The following LIMCH1 variants were observed in gnomAD, a reference collection of about 807,000 sequenced individuals.
LIMCH1 encodes the protein LIM and calponin homology domains-containing protein 1.
LIMCH1 carries 113 observed loss-of-function variants against 176.5 expected under a neutral mutation model. The observed-to-expected ratio is 0.64, with a 90% CI of 0.55 to 0.75. The LOEUF is 0.75. Ranked by LOEUF, LIMCH1 falls within the 30% of genes least tolerant of loss-of-function variation. LIMCH1 has a pLI of 0.00. For missense variants in LIMCH1, 1,674 were observed against 1,814.9 expected (o/e 0.92, Z 1.41); for synonymous variants, 619 against 645.9 (o/e 0.96, Z 0.63).
chr4:41,534,466 A>G (rs961897366), upstream of LIMCH1, among the ~76,000 whole-genome samples: 1 of 152,236 alleles, frequency 6.6e-6, no homozygotes, highest in Non-Finnish European at 1.5e-5. Flanking sequence ...TACTGATGCC[A>G]TTAATAGGAA....
chr4:41,612,984 C>T, intron 4 of LIMCH1: 2 of 1,548,720 alleles, frequency 1.3e-6, no homozygotes, highest in Non-Finnish European at 1.7e-6. Context: ...GCAGCAAAGA[C>T]AAATGTTGCC....
chr4:41,580,601 A>G (rs1296294823), intron 1 of LIMCH1, among the ~76,000 whole-genome samples: 1 of 152,152 alleles, frequency 6.6e-6, no homozygotes, highest in African/African-American at 2.4e-5. Context: ...AAAATAGGAC[A>G]AGTCATTACT....
intron 1 of LIMCH1, among the ~76,000 whole-genome samples, chr4:41,442,309 TAAATAA>T (rs10527895): frequency 0.085 from 12,900 of 151,354 alleles, 1,572 homozygotes; most frequent in African/African-American, 0.27. Context: ...CAAAAATACA[TAAATAA>T]AAATAAAAAT....
At chr4:41,567,114 A>G (rs2082880025) in intron 1 of LIMCH1, among the ~76,000 whole-genome samples, 1 of 152,186 alleles carries the variant, frequency 6.6e-6, no homozygotes, top group Non-Finnish European at 1.5e-5. Flanking sequence ...ACAGTACAAA[A>G]CTGATGGGTC....
intron 1 of LIMCH1, among the ~76,000 whole-genome samples, chr4:41,452,686 C>A (rs1379963771): frequency 1.3e-5 from 2 of 152,208 alleles, no homozygotes; most frequent in African/African-American, 4.8e-5. Context: ...TGAAATCCAA[C>A]ACCTCCTTCC....
At chr4:41,388,394 A>G (rs1298578084) in intron 1 of LIMCH1, among the ~76,000 whole-genome samples, 1 of 152,222 alleles carries the variant, frequency 6.6e-6, no homozygotes, top group Non-Finnish European at 1.5e-5. Context: ...AAGACTGTAC[A>G]TTGTGTTATT....
At chr4:41,419,673 CTTCCTTCCTCCT>C (rs1275943939) in intron 1 of LIMCH1, among the ~76,000 whole-genome samples, 84 of 76,362 alleles carry the variant, frequency 1.1e-3, no homozygotes, top group Middle Eastern at 8.1e-3. Context: ...TCCTTCCTTC[CTTCCTTCCTCCT>C]TCCTTCCTTC....
chr4:41,407,871 T>C (rs530675532), intron 1 of LIMCH1, among the ~76,000 whole-genome samples: 1 of 152,280 alleles, frequency 6.6e-6, no homozygotes, highest in East Asian at 1.9e-4. Context: ...CTACTAGTGC[T>C]CTGGACACTT....
intron 1 of LIMCH1, among the ~76,000 whole-genome samples, chr4:41,368,851 G>A (rs549431305): frequency 4.6e-5 from 7 of 152,286 alleles, no homozygotes; most frequent in Middle Eastern, 3.4e-3. Context: ...AGAAAAATGC[G>A]GAGAGGACTT....
intron 1 of LIMCH1, among the ~76,000 whole-genome samples, chr4:41,575,659 A>AT (rs1360464502): frequency 6.6e-6 from 1 of 152,198 alleles, no homozygotes; most frequent in African/African-American, 2.4e-5. Context: ...TTTAAAACAC[A>AT]TTTTGGCAAG....
At chr4:41,472,136 T>C (rs1310025556) in intron 1 of LIMCH1, among the ~76,000 whole-genome samples, 1 of 152,238 alleles carries the variant, frequency 6.6e-6, no homozygotes. Context: ...AGAGAAGCCA[T>C]AAAGAAACCA....
intron 2 of LIMCH1, among the ~76,000 whole-genome samples, chr4:41,496,395 G>C (rs4861117): frequency 0.48 from 73,564 of 152,088 alleles, 22,374 homozygotes; most frequent in African/African-American, 0.87. Flanking sequence ...TAGCTAGCAG[G>C]CCCAGCAAAG....
chr4:41,647,869 A>G (rs766264199), intron 17 of LIMCH1, among the ~76,000 whole-genome samples: 2 of 152,254 alleles, frequency 1.3e-5, no homozygotes, highest in Non-Finnish European at 2.9e-5. Context: ...AGACTGTCTC[A>G]TCTGGATCAC....
intron 1 of LIMCH1, among the ~76,000 whole-genome samples, chr4:41,391,999 A>AT (rs34737276): frequency 0.39 from 60,041 of 152,012 alleles, 14,140 homozygotes; most frequent in African/African-American, 0.66. Context: ...TTCCAAAATA[A>AT]TTTTTTTAAA....
chr4:41,370,673 A>G (rs551959483), intron 1 of LIMCH1, among the ~76,000 whole-genome samples: 3 of 152,310 alleles, frequency 2.0e-5, no homozygotes, highest in African/African-American at 7.2e-5. Flanking sequence ...GAGTTGACAG[A>G]GTGTGATAAT....
intron 1 of LIMCH1, among the ~76,000 whole-genome samples, chr4:41,568,883 T>C (rs1011023510): frequency 6.6e-6 from 1 of 152,218 alleles, no homozygotes; most frequent in Admixed American, 6.5e-5. Flanking sequence ...GGCAGTCTTA[T>C]TACATTTTTT....
intron 2 of LIMCH1, among the ~76,000 whole-genome samples, chr4:41,495,921 C>T (rs1404476407): frequency 6.6e-6 from 1 of 152,142 alleles, no homozygotes; most frequent in Non-Finnish European, 1.5e-5. Flanking sequence ...GAAGTCTCTC[C>T]ACCCTACTCG....
At chr4:41,638,052 T>A (rs1340218568) in intron 13 of LIMCH1, among the ~76,000 whole-genome samples, 1 of 152,220 alleles carries the variant, frequency 6.6e-6, no homozygotes, top group Non-Finnish European at 1.5e-5. Context: ...GAACTGACCC[T>A]TAAAACTCGC....
chr4:41,622,154 A>G (rs894676601), intron 7 of LIMCH1, among the ~76,000 whole-genome samples: 1 of 152,060 alleles, frequency 6.6e-6, no homozygotes, highest in South Asian at 2.1e-4. Flanking sequence ...TCTTTTTTTA[A>G]AACTCCAGAT....
Sources: allele counts gnomAD v4.1 joint callset (sites outside exome capture counted in the v4.1 genomes callset), GRCh38; gene constraint gnomAD v4.1.1; transcripts MANE v1.5; gene names NCBI Gene and HGNC (gene_info 2026-07-23, HGNC 2026-07-21).